ZCWPW1: variants seen among roughly 807,000 people sequenced by gnomAD.
ZCWPW1 encodes the protein zinc finger CW-type and PWWP domain containing 1.
ZCWPW1 carries 56 observed loss-of-function variants against 81.3 expected under a neutral mutation model. That is an observed-to-expected ratio of 0.69 (90% CI 0.56 to 0.86). ZCWPW1 has a LOEUF of 0.86. Ranked by LOEUF, ZCWPW1 falls within the 40% of genes least tolerant of loss-of-function variation. The pLI is 0.00. For synonymous variants in ZCWPW1, 250 were observed against 273.7 expected, an observed-to-expected ratio of 0.91 and a Z score of 0.86; for missense variants, 650 against 769.8, an observed-to-expected ratio of 0.84 and a Z score of 1.84.
Position 100,401,077 on chromosome 7 carries a change from G to A in ZCWPW1, c.1887C>T (p.Ser629=), listed in dbSNP as rs372286297. 186 of 1,613,980 alleles carry A rather than the reference G, an allele frequency of 1.2e-4. No individual in the cohort carries two copies. Among genetic ancestry groups the A allele is most frequent in the Middle Eastern group, 1.6e-4 (1 of 6,084 alleles). ...CACTGTTGCTGTGCTGCAGCTCCCC[G>A]CTCTGCCCCAGCTCTCTCCCAACAT... ...MEDVGRELGQ[S]GELQHSNSDG... is the part of the protein sequence containing the mutation. The change falls in exon 18 of 18, where the codon AGC becomes AGT. Residue 629 remains serine, a synonymous_variant. Coordinates refer to ENST00000684423, the MANE Select transcript of ZCWPW1 (RefSeq NM_001386010.1).
In ZCWPW1 at chr7:100,412,814, C is replaced by G. The variant is rs544291095; in HGVS notation, c.754+3161G>C. Among the ~76,000 whole-genome samples the G allele has an allele frequency of 9.9e-4, 151 of 152,318 alleles. 1 individual carries two copies. Among genetic ancestry groups the G allele is most frequent in the South Asian group, 8.3e-4 (4 of 4,828 alleles). On this transcript the variant is annotated intron_variant, in intron 8 of 17. Coordinates refer to ENST00000684423, the MANE Select transcript of ZCWPW1 (RefSeq NM_001386010.1). ...GCCAGGATGGTCTTGATCTCCTGAC[C>G]TCGTGATCCACCCGCCTCGGCCTCC...
intron 8 of ZCWPW1, among the ~76,000 whole-genome samples, chr7:100,415,099 T>A (rs1226541751): frequency 2.1e-5 from 3 of 145,666 alleles, no homozygotes; most frequent in Non-Finnish European, 4.6e-5. Context: ...TTTTTTTTTT[T>A]TTTAGACAGA....
intron 8 of ZCWPW1, among the ~76,000 whole-genome samples, chr7:100,411,752 G>A (rs1794214934): frequency 6.6e-6 from 1 of 152,094 alleles, no homozygotes; most frequent in South Asian, 2.1e-4. Flanking sequence ...CAAATTGTTA[G>A]CTGTGAAAGC....
At chr7:100,419,558 T>G (rs1474602255) in intron 4 of ZCWPW1, 72 bp downstream of exon 4, 12 of 1,524,514 alleles carry the variant, frequency 7.9e-6, no homozygotes, top group Non-Finnish European at 1.1e-5. Context: ...GAAAAGACTC[T>G]GTTTGTCTAG....
chr7:100,404,155 TCCTCAAC>T lies in ZCWPW1; in HGVS notation c.1321+16_1321+22del, dbSNP rs768175247. 82 of 1,612,962 alleles carry T rather than the reference TCCTCAAC, an allele frequency of 5.1e-5. No homozygotes were observed. The highest frequency in any genetic ancestry group is 6.8e-5 in the Non-Finnish European group (80 of 1,179,230). Reference sequence around the variant, plus strand: ...AGGAATCCCTCCCATCCTTCTCCAGTCCTCAACCTCCATTTATCCTACCTTTTCTTTC... The same window carrying T: ...AGGAATCCCTCCCATCCTTCTCCAGTCTCCATTTATCCTACCTTTTCTTTC... On this transcript the variant is annotated intron_variant, in intron 14 of 17. Coordinates refer to ENST00000684423, the MANE Select transcript of ZCWPW1 (RefSeq NM_001386010.1).
chr7:100,414,211 T>C (rs896084004), intron 8 of ZCWPW1, among the ~76,000 whole-genome samples: 1 of 152,220 alleles, frequency 6.6e-6, no homozygotes, highest in Non-Finnish European at 1.5e-5. Context: ...GGTGCCTGCA[T>C]AGTCTTGGAG....
At chr7:100,408,738 C>T in intron 9 of ZCWPW1, 79 bp from the exon 10 acceptor site, 1 of 1,534,680 alleles carries the variant, frequency 6.5e-7, no homozygotes, top group Non-Finnish European at 8.8e-7. Flanking sequence ...GGGGAGAGAA[C>T]AAGAAGGAAA....
At chr7:100,419,078 C>T (rs1367134879) in intron 5 of ZCWPW1, 33 bp downstream of exon 5, 1 of 1,591,088 alleles carries the variant, frequency 6.3e-7, no homozygotes. Context: ...CACTGCTTAA[C>T]TGAAACCCTT....
In ZCWPW1 at chr7:100,424,240, T is replaced by C. The variant is rs565521005; in HGVS notation, c.-30+790A>G. On this transcript the variant is annotated intron_variant, in intron 2 of 17. Coordinates refer to ENST00000684423, the MANE Select transcript of ZCWPW1 (RefSeq NM_001386010.1). ...CTAAGTGAGAAAAGCAGAGTGAAAATTAGTGTGTTTCAGATGACAACATTT... is the reference window on the plus strand; with the variant it reads ...CTAAGTGAGAAAAGCAGAGTGAAAACTAGTGTGTTTCAGATGACAACATTT... 1.3e-3 allele frequency among the ~76,000 whole-genome samples: 202 copies of C among 152,042 alleles called. 1 individual carries two copies. The highest frequency in any genetic ancestry group is 4.8e-3 in the African/African-American group (198 of 41,462).
At chr7:100,417,687 T>C (rs963151301) in intron 5 of ZCWPW1, among the ~76,000 whole-genome samples, 1 of 150,740 alleles carries the variant, frequency 6.6e-6, no homozygotes, top group African/African-American at 2.4e-5. Flanking sequence ...CACTGCACTC[T>C]AGCCTGGGCA....
chr7:100,409,435 C>A lies in ZCWPW1; in HGVS notation c.864G>T (p.Gln288His). 1 of 1,612,304 alleles carries A rather than the reference C, an allele frequency of 6.2e-7. No homozygotes were observed. The highest frequency in any genetic ancestry group is 1.3e-5 in the African/African-American group (1 of 74,958). The change falls in exon 9 of 18, where the codon CAG becomes CAT. Residue 288 changes from glutamine to histidine, a missense_variant. By Grantham distance (24) the Gln-to-His change is conservative. Transcript: ENST00000684423. ...SVLPDNWSCD[Q>H]NTDVQYNRCD... Reference sequence around the variant, plus strand: ...ATTTCCAGTCTTTTCTACCTGTGTTCTGATCACAGGACCAATTATCTGGGA... The same window carrying A: ...ATTTCCAGTCTTTTCTACCTGTGTTATGATCACAGGACCAATTATCTGGGA...
chr7:100,416,339 A>G lies in ZCWPW1; in HGVS notation c.597T>C (p.Asn199=). Residue 199 remains asparagine (N), a synonymous_variant, in exon 7 of 18, where the codon AAT becomes AAC. Transcript: ENST00000684423. ...TCTTTCTTTTGCTTAAGGTGAGTCT[A>G]TTGGATTTCTTCTTAGAGGGTGCAG... ...PDPAPSKKKS[N]RLTLSKRKKE... The G allele has an allele frequency of 1.9e-6, 3 of 1,614,126 alleles. No individual in the cohort carries two copies. The highest frequency in any genetic ancestry group is 2.5e-6 in the Non-Finnish European group (3 of 1,180,028).
In ZCWPW1 at chr7:100,409,281, G is replaced by A. The variant is rs150179886; in HGVS notation, c.871+147C>T. 727 of 631,190 alleles carry A rather than the reference G, an allele frequency of 1.2e-3. 6 individuals carry two copies. The African/African-American group carries it at 0.012, about 10-fold the overall frequency. 39.1% of individuals were successfully genotyped at this position (631,190 alleles called of 1,614,324 possible). A position where few individuals can be genotyped will look rare whatever the true frequency, so the allele number is the denominator to read the frequency against. ...TTTCTGCCCAGATTCATCTCCATAT[G>A]AGAGGCAGATCCTTCCTCTCTCCCA... On this transcript the variant is annotated intron_variant, in intron 9 of 17. Transcript: ENST00000684423.
At chr7:100,415,867 G>C (rs1326604841) in intron 8 of ZCWPW1, 108 bp downstream of exon 8, 12 of 1,396,766 alleles carry the variant, frequency 8.6e-6, no homozygotes, top group Non-Finnish European at 1.2e-5. Context: ...GCAGCTGTGA[G>C]AGATTGACTA....
At chr7:100,417,786 T>C (rs1266622817) in intron 5 of ZCWPW1, among the ~76,000 whole-genome samples, 2 of 152,158 alleles carry the variant, frequency 1.3e-5, no homozygotes, top group African/African-American at 2.4e-5. Flanking sequence ...AATAGAAGTA[T>C]ACCTAAGAAT....
chr7:100,411,601 G>C (rs999204582), intron 8 of ZCWPW1, among the ~76,000 whole-genome samples: 7 of 112,368 alleles, frequency 6.2e-5, no homozygotes, highest in African/African-American at 1.9e-4. Flanking sequence ...CAAAGTACTG[G>C]TTGGGACTAA....
intron 2 of ZCWPW1, among the ~76,000 whole-genome samples, chr7:100,422,029 A>G (rs1796448843): frequency 1.3e-5 from 2 of 152,204 alleles, no homozygotes; most frequent in South Asian, 2.1e-4. Flanking sequence ...TGACACTGTG[A>G]CTAATGGTAA....
chr7:100,414,726 A>G (rs1163713890), intron 8 of ZCWPW1, among the ~76,000 whole-genome samples: 2 of 152,046 alleles, frequency 1.3e-5, no homozygotes, highest in South Asian at 2.1e-4. Flanking sequence ...ATTTCTTGTC[A>G]TAAAATTTAC....
chr7:100,422,681 G>C (rs936989189), intron 2 of ZCWPW1, among the ~76,000 whole-genome samples: 1 of 152,150 alleles, frequency 6.6e-6, no homozygotes, highest in East Asian at 1.9e-4. Context: ...TGTTTCACAG[G>C]TAGTGAGTAT....
Sources: allele counts gnomAD v4.1 joint callset (sites outside exome capture counted in the v4.1 genomes callset), GRCh38; gene constraint gnomAD v4.1.1; transcripts MANE v1.5; gene names NCBI Gene and HGNC (gene_info 2026-07-23, HGNC 2026-07-21).